The following SLC4A5 variants were observed in gnomAD, a reference collection of about 807,000 sequenced individuals.
SLC4A5 encodes electrogenic sodium bicarbonate cotransporter 4.
SLC4A5 carries 96 observed loss-of-function variants against 120.4 expected under a neutral mutation model. The observed-to-expected ratio is 0.80, with a 90% CI of 0.68 to 0.94. SLC4A5 has a LOEUF of 0.94. SLC4A5 is among the 40% of genes least tolerant of loss of function. The pLI is 0.00. For missense variants in SLC4A5, 1,259 were observed against 1,459.5 expected, an observed-to-expected ratio of 0.86 and a Z score of 2.24; for synonymous variants, 550 against 571.1, an observed-to-expected ratio of 0.96 and a Z score of 0.53.
intron 8 of SLC4A5, among the ~76,000 whole-genome samples, chr2:74,280,888 T>C (rs996089198): frequency 6.6e-6 from 1 of 152,138 alleles, no homozygotes; most frequent in African/African-American, 2.4e-5. Context: ...GGTTTCACTA[T>C]ATTGGCCAGG....
intron 6 of SLC4A5, chr2:74,307,663 C>T (rs1474352883): frequency 5.0e-6 from 5 of 1,005,124 alleles, no homozygotes; most frequent in African/African-American, 1.6e-5. Flanking sequence ...CCCTTCTTCT[C>T]CAGGTGCTCC....
At position 74,304,637 on chromosome 2, in the gene SLC4A5, AG is replaced by A. The variant is rs751051679; in HGVS notation, c.122del (p.Pro41LeufsTer30). On this transcript the variant is annotated frameshift_variant, in exon 7 of 31. Coordinates refer to ENST00000394019, the Ensembl canonical transcript of SLC4A5. LOFTEE classifies it high-confidence loss of function. ...GTCCCTTCTGGTCAGTTTTTCTTTGAGGGTAAGTGGGTACTGGAAGCCCAAT... is the reference window on the plus strand; with the variant it reads ...GTCCCTTCTGGTCAGTTTTTCTTTGAGGTAAGTGGGTACTGGAAGCCCAAT... The A allele has an allele frequency of 7.4e-6, 12 of 1,613,848 alleles. No homozygotes were observed. The highest frequency in any genetic ancestry group is 1.0e-5 in the Non-Finnish European group (12 of 1,179,982).
At chr2:74,227,411 C>T in intron 26 of SLC4A5, 1 of 1,461,256 alleles carries the variant, frequency 6.8e-7, no homozygotes, top group South Asian at 1.3e-5. Flanking sequence ...GTAACACAAA[C>T]TGTTTAAGAA....
exon 31 of SLC4A5, chr2:74,217,075 T>G (rs948927335): frequency 1.3e-5 from 2 of 152,202 alleles, no homozygotes; most frequent in African/African-American, 4.8e-5. Flanking sequence ...GACCAGGCAC[T>G]ACACTAGACG....
intron 26 of SLC4A5, chr2:74,227,511 G>A: frequency 1.2e-6 from 2 of 1,611,692 alleles, no homozygotes; most frequent in Non-Finnish European, 1.7e-6. Flanking sequence ...ACAGTGAAAT[G>A]CTCACTGGAG....
At chr2:74,239,594 C>T in intron 20 of SLC4A5, 59 bp from the exon 21 acceptor site, 1 of 1,554,040 alleles carries the variant, frequency 6.4e-7, no homozygotes, top group Non-Finnish European at 8.9e-7. Context: ...TCAGCTGTGT[C>T]CTTCCCACTG....
intron 4 of SLC4A5, among the ~76,000 whole-genome samples, chr2:74,328,972 A>ATT (rs112859448): frequency 8.0e-5 from 12 of 150,032 alleles, no homozygotes; most frequent in African/African-American, 2.7e-4. Context: ...AGCTAGAGAC[A>ATT]TTTTTTTTTT....
At chr2:74,313,337 A>G (rs1047235498) in intron 6 of SLC4A5, among the ~76,000 whole-genome samples, 1 of 152,160 alleles carries the variant, frequency 6.6e-6, no homozygotes, top group Non-Finnish European at 1.5e-5. Flanking sequence ...ATAACGCTAT[A>G]CTGTTTCTCA....
rs367922236 is a variant in SLC4A5 at position 74,241,741 on chromosome 2, CA to C, written c.2118+252del. On this transcript the variant is annotated intron_variant, in intron 20 of 30. Transcript: ENST00000394019. ...TGGGCAACACAGTGAGACCCTGTCTCAAAAAAAAAAAAAAAACGCACAAAAA... is the reference window on the plus strand; with the variant it reads ...TGGGCAACACAGTGAGACCCTGTCTCAAAAAAAAAAAAAAACGCACAAAAA... Among the ~76,000 whole-genome samples, 311 of 97,384 alleles carry C rather than the reference CA, an allele frequency of 3.2e-3. 1 individual carries two copies. Among genetic ancestry groups the C allele is most frequent in the East Asian group, 0.016 (44 of 2,690 alleles). The allele number at this position is 97,384 out of a possible 152,430, so 63.9% of individuals were successfully genotyped here.
intron 1 of SLC4A5, 56 bp downstream of exon 1, chr2:74,343,300 A>T (rs1173401822): frequency 6.6e-6 from 1 of 152,110 alleles, no homozygotes; most frequent in Non-Finnish European, 1.5e-5. Context: ...CACATCTCCA[A>T]ACCAGAACCT....
rs548012897 is a variant in SLC4A5 at position 74,299,339 on chromosome 2, G to A, written c.271+5150C>T. Among the ~76,000 whole-genome samples the A allele has an allele frequency of 2.1e-4, 32 of 152,248 alleles. No individual in the cohort carries two copies. In the South Asian group the frequency reaches 2.3e-3, roughly 11 times the overall value. ...GCACTCCATCCTGGGCAATAAGAGC[G>A]AAACTCCATCTCAATAAATAAATAA... On this transcript the variant is annotated intron_variant, in intron 7 of 30. Coordinates refer to ENST00000394019, the Ensembl canonical transcript of SLC4A5.
chr2:74,337,465 G>A (rs1255884164), intron 3 of SLC4A5, among the ~76,000 whole-genome samples: 1 of 152,118 alleles, frequency 6.6e-6, no homozygotes, highest in Non-Finnish European at 1.5e-5. Flanking sequence ...TGGGATTAAG[G>A]GTCAGCACCT....
rs910319685 is a variant in SLC4A5, at chr2:74,318,538, T to A, written c.-2-3513A>T. On this transcript the variant is annotated intron_variant, in intron 5 of 30. Coordinates refer to ENST00000394019, the Ensembl canonical transcript of SLC4A5. ...CCGTATCTACTAAAAATACAAAAATTAGCCAGGTGTGGTGGTGCATGCCTG... is the reference window on the plus strand; with the variant it reads ...CCGTATCTACTAAAAATACAAAAATAAGCCAGGTGTGGTGGTGCATGCCTG... 7.9e-5 allele frequency among the ~76,000 whole-genome samples: 12 copies of A among 151,956 alleles called. No individual in the cohort carries two copies. In the East Asian group the frequency reaches 2.3e-3, roughly 29 times the overall value.
In SLC4A5 at chr2:74,243,761, G is replaced by A. The variant is rs114273880; in HGVS notation, c.2060-1709C>T. 7.3e-3 allele frequency among the ~76,000 whole-genome samples: 1,109 copies of A among 152,272 alleles called. 12 individuals carry two copies. The highest frequency in any genetic ancestry group is 0.026 in the African/African-American group (1,069 of 41,548). ...ATCGAGAACTCTGTAGGGTTTATCTGAAAGCCACTTGAGATGAATATGAAA... is the reference window on the plus strand; with the variant it reads ...ATCGAGAACTCTGTAGGGTTTATCTAAAAGCCACTTGAGATGAATATGAAA... On this transcript the variant is annotated intron_variant, in intron 19 of 30. Coordinates refer to ENST00000394019, the Ensembl canonical transcript of SLC4A5.
chr2:74,233,654 T>G (rs954067511), intron 22 of SLC4A5, 91 bp from the exon 23 acceptor site: 1 of 1,421,120 alleles, frequency 7.0e-7, no homozygotes, highest in African/African-American at 1.4e-5. Flanking sequence ...TCCTCAACTT[T>G]CCCTGACTTT....
intron 5 of SLC4A5, among the ~76,000 whole-genome samples, chr2:74,322,778 GA>G (rs1297086743): frequency 1.3e-5 from 2 of 152,098 alleles, no homozygotes; most frequent in African/African-American, 2.4e-5. Context: ...AAATATCTGG[GA>G]AAAAAACTCC....
Position 74,248,490 on chromosome 2 carries a change from G to T in SLC4A5, c.1654-4C>A. 6.2e-7 allele frequency: 1 copy of T among 1,613,846 alleles called. No homozygotes were observed. On this transcript the variant is annotated splice_region_variant and splice_polypyrimidine_tract_variant and intron_variant, in intron 17 of 30. Transcript: ENST00000394019. ...CCAGGAAGCTCTCCATCACTCCCTG[G>T]GGGCACAAGGAATGTGTGGTTCAGC... is the stretch of plus-strand genomic sequence containing the variant.
intron 17 of SLC4A5, among the ~76,000 whole-genome samples, chr2:74,248,744 T>C (rs560037594): frequency 3.9e-5 from 6 of 152,358 alleles, no homozygotes; most frequent in African/African-American, 1.4e-4. Context: ...TAGAAAACAG[T>C]GGATGTGCTT....
chr2:74,269,525 G>A (rs946733633), intron 8 of SLC4A5, among the ~76,000 whole-genome samples: 10 of 152,114 alleles, frequency 6.6e-5, no homozygotes, highest in Admixed American at 5.9e-4. Flanking sequence ...GAGCCACCGC[G>A]CCCGGCCAGT....
Sources: gnomAD v4.1 joint callset for allele counts (sites outside exome capture counted in the v4.1 genomes callset) on GRCh38, gnomAD v4.1.1 for gene constraint, MANE v1.5 for transcripts, NCBI Gene and HGNC (gene_info 2026-07-23, HGNC 2026-07-21) for gene names.